The following RBFOX1 variants were observed in gnomAD, a reference collection of about 807,000 sequenced individuals.
RBFOX1 encodes the protein RNA binding fox-1 homolog 1.
In RBFOX1, 8 loss-of-function variants were observed where a neutral mutation model predicts 57.7. The observed-to-expected ratio is 0.14, with a 90% CI of 0.08 to 0.25. The LOEUF is 0.25. Ranked by LOEUF, RBFOX1 falls within the 10% of genes least tolerant of loss-of-function variation. RBFOX1 has a pLI of 1.00. For synonymous variants in RBFOX1, 326 were observed against 222.4 expected (o/e 1.47, Z -4.15); for missense variants, 611 against 548.5 (o/e 1.11, Z -1.14).
chr16:6,534,646 T>G lies in RBFOX1; in HGVS notation c.-63-119957T>G, dbSNP rs117932110. The stretch of plus-strand genomic sequence containing the variant: ...ACAAGACCGCAATCTACCTTTTATA[T>G]AAATGCAATAAAAAAATCTTGGTTA... On this transcript the variant is annotated intron_variant, in intron 2 of 15. Transcript: ENST00000550418. Among the ~76,000 whole-genome samples the G allele has an allele frequency of 7.6e-3, 1,161 of 152,308 alleles. 4 individuals carry two copies. The highest frequency in any genetic ancestry group is 0.01 in the Non-Finnish European group (695 of 68,024).
At chr16:6,471,451 C>T (rs944046017) in intron 2 of RBFOX1, among the ~76,000 whole-genome samples, 8 of 152,220 alleles carry the variant, frequency 5.3e-5, no homozygotes, top group Admixed American at 2.6e-4. Flanking sequence ...TTCTACTTTG[C>T]ATTCTCCAGG....
At chr16:6,886,373 C>T (rs2064033750) in intron 3 of RBFOX1, among the ~76,000 whole-genome samples, 1 of 151,944 alleles carries the variant, frequency 6.6e-6, no homozygotes, top group South Asian at 2.1e-4. Context: ...AGTGAAGCAC[C>T]TTACGTGTGT....
chr16:6,610,278 G>A (rs943484592), intron 2 of RBFOX1, among the ~76,000 whole-genome samples: 6 of 152,010 alleles, frequency 3.9e-5, no homozygotes, highest in Non-Finnish European at 8.8e-5. Context: ...GGCATTATTA[G>A]TAAGCATGAA....
intron 4 of RBFOX1, among the ~76,000 whole-genome samples, chr16:7,414,230 T>G (rs2098457762): frequency 6.6e-6 from 1 of 152,194 alleles, no homozygotes; most frequent in South Asian, 2.1e-4. Context: ...GATACAGAAA[T>G]GGACAAAACC....
chr16:5,409,528 T>C (rs1305913245), intron 1 of RBFOX1, among the ~76,000 whole-genome samples: 5 of 152,238 alleles, frequency 3.3e-5, no homozygotes, highest in Non-Finnish European at 4.4e-5. Flanking sequence ...TTGAAAGTTA[T>C]AAAATGGGAA....
At chr16:5,502,531 T>C (rs764063280) in intron 2 of RBFOX1, among the ~76,000 whole-genome samples, 11 of 152,302 alleles carry the variant, frequency 7.2e-5, no homozygotes, top group Non-Finnish European at 1.6e-4. Context: ...ACCTGCCTTT[T>C]GTTGCTGTTA....
chr16:6,754,240 C>T (rs11863442), intron 3 of RBFOX1, among the ~76,000 whole-genome samples: 14,042 of 152,134 alleles, frequency 0.092, 779 homozygotes, highest in African/African-American at 0.14. Flanking sequence ...TGACAATGTT[C>T]ACCTGCTTTA....
At chr16:6,706,452 G>A (rs1387363758) in intron 3 of RBFOX1, among the ~76,000 whole-genome samples, 23 of 152,206 alleles carry the variant, frequency 1.5e-4, no homozygotes, top group Admixed American at 1.5e-3. Context: ...TCCAGCTTTG[G>A]ATGGGGGGCC....
intron 4 of RBFOX1, among the ~76,000 whole-genome samples, chr16:5,998,869 C>G (rs1324686076): frequency 2.0e-5 from 3 of 152,128 alleles, no homozygotes; most frequent in Non-Finnish European, 4.4e-5. Flanking sequence ...CCATTTAATT[C>G]CAAATGGCAT....
chr16:5,516,122 C>T (rs74004364), intron 2 of RBFOX1, among the ~76,000 whole-genome samples: 1,988 of 152,250 alleles, frequency 0.013, 53 homozygotes, highest in African/African-American at 0.046. Flanking sequence ...AGCTTGGTGG[C>T]CTTCTGAGTC....
chr16:7,399,822 C>A (rs1449981371), intron 4 of RBFOX1, among the ~76,000 whole-genome samples: 1 of 152,156 alleles, frequency 6.6e-6, no homozygotes, highest in Non-Finnish European at 1.5e-5. Context: ...CTTAGACATA[C>A]CTGTTGTGGG....
chr16:5,986,768 A>G (rs993761519), intron 4 of RBFOX1, among the ~76,000 whole-genome samples: 26 of 152,154 alleles, frequency 1.7e-4, no homozygotes, highest in African/African-American at 6.3e-4. Flanking sequence ...ACACAGTTGC[A>G]CTGTTCACTT....
In RBFOX1 at chr16:6,835,192, C is replaced by T. The variant is rs74009320; in HGVS notation, c.-16+180542C>T. ...TTGGGATCACAGGCGTGAGCCACCACGCCCGACCGGCCTGACTTCTCTTGT... is the reference window on the plus strand; with the variant it reads ...TTGGGATCACAGGCGTGAGCCACCATGCCCGACCGGCCTGACTTCTCTTGT... On this transcript the variant is annotated intron_variant, in intron 3 of 15. Coordinates refer to ENST00000550418, the MANE Select transcript of RBFOX1 (RefSeq NM_018723.4). Among the ~76,000 whole-genome samples the T allele has an allele frequency of 6.9e-3, 1,053 of 152,216 alleles. 13 individuals carry two copies. Among genetic ancestry groups the T allele is most frequent in the African/African-American group, 0.024 (991 of 41,556 alleles).
chr16:6,108,047 C>G (rs1049568060), intron 1 of RBFOX1, among the ~76,000 whole-genome samples: 4 of 152,182 alleles, frequency 2.6e-5, no homozygotes, highest in Middle Eastern at 3.4e-3. Context: ...ATTAGGCTCA[C>G]TATTAATATC....
intron 2 of RBFOX1, among the ~76,000 whole-genome samples, chr16:5,557,980 G>T (rs1336979259): frequency 6.6e-6 from 1 of 152,146 alleles, no homozygotes; most frequent in Non-Finnish European, 1.5e-5. Context: ...GCCAAGGGGA[G>T]TTCAGCTGGT....
rs550802786 is a variant in RBFOX1 at position 5,667,660 on chromosome 16, G to C, written c.318+68699G>C. Among the ~76,000 whole-genome samples, 15 of 152,224 alleles carry C rather than the reference G, an allele frequency of 9.9e-5. No homozygotes were observed. The East Asian group carries it at 2.9e-3, about 29-fold the overall frequency. On this transcript the variant is annotated intron_variant, in intron 3 of 19. Transcript: ENST00000641259. ...TTTGGATTTTCTTATTTTTCTGATT[G>C]ATCTCTGGATATCTTTTCATTTATC...
At chr16:6,950,557 ATGT>A (rs2080509750) in intron 3 of RBFOX1, among the ~76,000 whole-genome samples, 1 of 152,188 alleles carries the variant, frequency 6.6e-6, no homozygotes, top group Non-Finnish European at 1.5e-5. Flanking sequence ...TTAGAAATGA[ATGT>A]GTGTTAGGAG....
intron 2 of RBFOX1, among the ~76,000 whole-genome samples, chr16:5,469,638 C>T (rs567137198): frequency 6.6e-6 from 1 of 152,196 alleles, no homozygotes; most frequent in East Asian, 1.9e-4. Flanking sequence ...CCAAAGGAGA[C>T]CCTGCGACCA....
intron 4 of RBFOX1, among the ~76,000 whole-genome samples, chr16:7,234,654 G>A (rs2093678643): frequency 7.0e-6 from 1 of 143,586 alleles, no homozygotes; most frequent in Non-Finnish European, 1.5e-5. Context: ...GTGTTTGTGT[G>A]TATGTATATA....
Sources: gnomAD v4.1 joint callset for allele counts (sites outside exome capture counted in the v4.1 genomes callset) on GRCh38, gnomAD v4.1.1 for gene constraint, MANE v1.5 for transcripts, NCBI Gene and HGNC (gene_info 2026-07-23, HGNC 2026-07-21) for gene names.